The following RAPGEF2 variants were observed in gnomAD, a reference collection of about 807,000 sequenced individuals.
RAPGEF2 encodes Rap guanine nucleotide exchange factor 2.
RAPGEF2 carries 54 observed loss-of-function variants against 186.7 expected under a neutral mutation model. The ratio of observed to expected loss-of-function variants is 0.29; its 90% CI spans 0.23 to 0.36. The LOEUF (loss-of-function observed/expected upper bound fraction) is 0.36. RAPGEF2 is among the 10% of genes least tolerant of loss of function. RAPGEF2 has a pLI of 1.00. For synonymous variants in RAPGEF2, 712 were observed against 705.9 expected (o/e 1.01, Z -0.14); for missense variants, 1,532 against 2,045.0 (o/e 0.75, Z 4.84).
chr4:159,287,153 A>G (rs1412570193), intron 7 of RAPGEF2, among the ~76,000 whole-genome samples: 2 of 152,112 alleles, frequency 1.3e-5, no homozygotes, highest in Non-Finnish European at 2.9e-5. Context: ...TTAAACTTAG[A>G]TAAAATCAAA....
intron 4 of RAPGEF2, among the ~76,000 whole-genome samples, chr4:159,227,453 A>G (rs1208208289): frequency 6.6e-6 from 1 of 152,248 alleles, no homozygotes; most frequent in Admixed American, 6.5e-5. Flanking sequence ...TAACAAAAGT[A>G]TATTGGATGG....
intron 1 of RAPGEF2, among the ~76,000 whole-genome samples, chr4:159,168,127 G>A (rs1179756655): frequency 6.6e-6 from 1 of 152,198 alleles, no homozygotes; most frequent in African/African-American, 2.4e-5. Context: ...TATTGCCAGA[G>A]TTGTTTAGTG....
intron 7 of RAPGEF2, among the ~76,000 whole-genome samples, chr4:159,290,676 G>C (rs1761080452): frequency 6.6e-6 from 1 of 151,992 alleles, no homozygotes; most frequent in South Asian, 2.1e-4. Context: ...AAGTGAGGGG[G>C]TCTCTTTTAG....
At chr4:159,147,445 T>C (rs999445858) in intron 1 of RAPGEF2, among the ~76,000 whole-genome samples, 1 of 152,132 alleles carries the variant, frequency 6.6e-6, no homozygotes, top group Non-Finnish European at 1.5e-5. Flanking sequence ...TCCTAGGGCT[T>C]TGAGGAGACA....
intron 1 of RAPGEF2, among the ~76,000 whole-genome samples, chr4:159,174,462 GA>G (rs1338189062): frequency 6.6e-6 from 1 of 152,184 alleles, no homozygotes; most frequent in Non-Finnish European, 1.5e-5. Context: ...ACTTGAATTA[GA>G]AGACGAATGG....
chr4:159,108,561 T>C (rs1432848853), intron 1 of RAPGEF2, among the ~76,000 whole-genome samples: 2 of 152,108 alleles, frequency 1.3e-5, no homozygotes, highest in Non-Finnish European at 2.9e-5. Context: ...AAAGAAAATA[T>C]TGTTTGCGTC....
chr4:159,217,791 G>A (rs1751126901), intron 4 of RAPGEF2, among the ~76,000 whole-genome samples: 1 of 152,174 alleles, frequency 6.6e-6, no homozygotes, highest in Admixed American at 6.5e-5. Context: ...ATAAGCGTTT[G>A]CTTTTCTCCA....
chr4:159,186,913 G>C (rs999352097), intron 2 of RAPGEF2, among the ~76,000 whole-genome samples: 1 of 151,962 alleles, frequency 6.6e-6, no homozygotes, highest in African/African-American at 2.4e-5. Flanking sequence ...CACTTCAAAC[G>C]TTTATCATTT....
At chr4:159,169,479 T>C (rs1187163409) in intron 1 of RAPGEF2, among the ~76,000 whole-genome samples, 1 of 152,188 alleles carries the variant, frequency 6.6e-6, no homozygotes, top group Non-Finnish European at 1.5e-5. Context: ...GATTTAAGAA[T>C]ACAATATATT....
intron 4 of RAPGEF2, among the ~76,000 whole-genome samples, chr4:159,216,279 C>A (rs1579488740): frequency 6.6e-6 from 1 of 152,052 alleles, no homozygotes; most frequent in Admixed American, 6.6e-5. Flanking sequence ...GAAAAAATTC[C>A]CTGAGTGTCA....
chr4:159,182,413 T>TTG (rs1747117283), intron 1 of RAPGEF2, among the ~76,000 whole-genome samples: 1 of 123,114 alleles, frequency 8.1e-6, no homozygotes, highest in Non-Finnish European at 1.7e-5. Context: ...TTTTTTTTTT[T>TTG]GATACAGAGT....
At chr4:159,142,863 C>T (rs757623483) in intron 1 of RAPGEF2, among the ~76,000 whole-genome samples, 15 of 152,012 alleles carry the variant, frequency 9.9e-5, no homozygotes, top group Non-Finnish European at 1.6e-4. Flanking sequence ...TTTGAAAGTG[C>T]GGTGATTTGT....
chr4:159,151,569 T>C (rs1743533097), intron 1 of RAPGEF2, among the ~76,000 whole-genome samples: 1 of 152,218 alleles, frequency 6.6e-6, no homozygotes, highest in Admixed American at 6.5e-5. Context: ...AAATAAAATG[T>C]GCTATTCCTT....
At chr4:159,188,137 A>G (rs553057225) in intron 2 of RAPGEF2, among the ~76,000 whole-genome samples, 69 of 152,312 alleles carry the variant, frequency 4.5e-4, no homozygotes, top group African/African-American at 1.6e-3. Flanking sequence ...TGTGACGACA[A>G]CTTTGCTAAG....
chr4:159,355,277 T>A (rs1157577974), intron 28 of RAPGEF2, among the ~76,000 whole-genome samples: 1 of 152,204 alleles, frequency 6.6e-6, no homozygotes, highest in African/African-American at 2.4e-5. Context: ...AGTAATAGTT[T>A]TAGAATTTTT....
chr4:159,168,810 G>A (rs1298126891), intron 1 of RAPGEF2, among the ~76,000 whole-genome samples: 1 of 152,152 alleles, frequency 6.6e-6, no homozygotes, highest in Non-Finnish European at 1.5e-5. Flanking sequence ...TAATTGCTTT[G>A]TAGGTAGCTT....
intron 7 of RAPGEF2, among the ~76,000 whole-genome samples, chr4:159,295,787 T>C (rs1419811476): frequency 1.3e-5 from 2 of 150,788 alleles, no homozygotes; most frequent in African/African-American, 4.9e-5. Flanking sequence ...GCACATAATG[T>C]TTTTTCTGAC....
intron 1 of RAPGEF2, among the ~76,000 whole-genome samples, chr4:159,142,874 C>T (rs1742502435): frequency 6.6e-6 from 1 of 152,122 alleles, no homozygotes; most frequent in South Asian, 2.1e-4. Context: ...GGTGATTTGT[C>T]AGGGCTGACA....
chr4:159,296,812 A>G (rs1762084435), intron 7 of RAPGEF2, among the ~76,000 whole-genome samples: 1 of 152,200 alleles, frequency 6.6e-6, no homozygotes. Flanking sequence ...ACATTGACGT[A>G]TTCCTCTCTT....
Sources: gnomAD v4.1 joint callset for allele counts (sites outside exome capture counted in the v4.1 genomes callset) on GRCh38, gnomAD v4.1.1 for gene constraint, MANE v1.5 for transcripts, NCBI Gene and HGNC (gene_info 2026-07-23, HGNC 2026-07-21) for gene names.